TAFA1: variants seen among roughly 807,000 people sequenced by gnomAD.
TAFA1 encodes chemokine-like protein TAFA-1.
TAFA1 carries 4 observed loss-of-function variants against 18.5 expected under a neutral mutation model. That is an observed-to-expected ratio of 0.22 (90% CI 0.11 to 0.49). The LOEUF (loss-of-function observed/expected upper bound fraction) is 0.49. Ranked by LOEUF, TAFA1 falls within the 20% of genes least tolerant of loss-of-function variation. TAFA1 has a pLI of 0.98. For missense variants in TAFA1, 147 were observed against 169.0 expected (o/e 0.87, Z 0.72); for synonymous variants, 56 against 55.2 (o/e 1.01, Z -0.06).
chr3:68,355,951 T>A (rs2069354569), intron 2 of TAFA1, among the ~76,000 whole-genome samples: 1 of 151,916 alleles, frequency 6.6e-6, no homozygotes, highest in Non-Finnish European at 1.5e-5. Context: ...AATAATTAAG[T>A]TCAAATCCTA....
At chr3:68,120,289 G>C (rs549767869) in intron 2 of TAFA1, among the ~76,000 whole-genome samples, 1 of 139,704 alleles carries the variant, frequency 7.2e-6, no homozygotes, top group South Asian at 2.3e-4. Flanking sequence ...TCATTCTGTT[G>C]CCCAGGCTGG....
intron 3 of TAFA1, among the ~76,000 whole-genome samples, chr3:68,529,835 C>G (rs1185753427): frequency 2.0e-5 from 3 of 152,172 alleles, no homozygotes; most frequent in African/African-American, 7.2e-5. Flanking sequence ...CCCGATAACT[C>G]AAATGCCTCC....
intron 2 of TAFA1, among the ~76,000 whole-genome samples, chr3:68,413,313 C>A (rs2070752388): frequency 6.6e-6 from 1 of 151,940 alleles, no homozygotes; most frequent in Admixed American, 6.6e-5. Context: ...AATTTTTCTC[C>A]CATTCTGTAG....
At chr3:68,148,986 A>G (rs975900707) in intron 2 of TAFA1, among the ~76,000 whole-genome samples, 17 of 152,298 alleles carry the variant, frequency 1.1e-4, no homozygotes, top group African/African-American at 3.8e-4. Context: ...ATATTATTTT[A>G]TTCTGCCTAT....
intron 2 of TAFA1, among the ~76,000 whole-genome samples, chr3:68,359,547 A>T (rs1307000370): frequency 1.3e-5 from 2 of 152,010 alleles, no homozygotes; most frequent in Non-Finnish European, 2.9e-5. Context: ...AAGGGAGGCC[A>T]TTCACCATGG....
intron 2 of TAFA1, among the ~76,000 whole-genome samples, chr3:68,356,736 A>G (rs910916923): frequency 5.9e-5 from 9 of 151,984 alleles, no homozygotes; most frequent in Non-Finnish European, 1.0e-4. Context: ...GATGATTGCT[A>G]CTTATAAAAA....
chr3:68,421,985 C>A (rs2070962545), intron 3 of TAFA1, among the ~76,000 whole-genome samples: 1 of 152,052 alleles, frequency 6.6e-6, no homozygotes, highest in Non-Finnish European at 1.5e-5. Flanking sequence ...TTGAAAATTT[C>A]AGAGATACAT....
intron 2 of TAFA1, among the ~76,000 whole-genome samples, chr3:68,036,594 C>G (rs1705054744): frequency 6.6e-6 from 1 of 151,890 alleles, no homozygotes; most frequent in African/African-American, 2.4e-5. Flanking sequence ...TTGAGGAAAA[C>G]TCTCTCTGAG....
intron 3 of TAFA1, among the ~76,000 whole-genome samples, chr3:68,491,253 A>G (rs1325726614): frequency 6.6e-6 from 1 of 152,048 alleles, no homozygotes; most frequent in African/African-American, 2.4e-5. Context: ...TGTTTATTGC[A>G]GCACTATTCA....
chr3:68,224,839 G>A (rs138849051), intron 2 of TAFA1, among the ~76,000 whole-genome samples: 2 of 151,418 alleles, frequency 1.3e-5, no homozygotes, highest in East Asian at 3.9e-4. Flanking sequence ...CAGGAGGTGT[G>A]GGCCTGTGAT....
chr3:68,300,738 G>T (rs140255842), intron 2 of TAFA1, among the ~76,000 whole-genome samples: 1 of 151,862 alleles, frequency 6.6e-6, no homozygotes, highest in East Asian at 1.9e-4. Flanking sequence ...TGAATCATGG[G>T]TGCAGTTTCC....
chr3:68,014,401 G>A (rs1352484524), intron 2 of TAFA1, among the ~76,000 whole-genome samples: 1 of 152,190 alleles, frequency 6.6e-6, no homozygotes, highest in Non-Finnish European at 1.5e-5. Flanking sequence ...TCAAAAAGTG[G>A]TAGAAAAACA....
At chr3:68,025,412 A>G (rs974473651) in intron 2 of TAFA1, among the ~76,000 whole-genome samples, 6 of 152,106 alleles carry the variant, frequency 3.9e-5, no homozygotes, top group African/African-American at 1.2e-4. Context: ...GCCACAGTCT[A>G]TATTCTACAA....
At chr3:68,486,214 C>T (rs1039535848) in intron 3 of TAFA1, among the ~76,000 whole-genome samples, 14 of 151,740 alleles carry the variant, frequency 9.2e-5, no homozygotes, top group Admixed American at 7.9e-4. Context: ...CCATCCTCAG[C>T]CTCCCAAAGT....
intron 2 of TAFA1, among the ~76,000 whole-genome samples, chr3:68,103,201 T>C (rs1198441688): frequency 6.6e-6 from 1 of 152,170 alleles, no homozygotes; most frequent in African/African-American, 2.4e-5. Context: ...TTTGTACTCT[T>C]GCTTCAGGCC....
chr3:68,369,461 G>A (rs1012924183), intron 2 of TAFA1, among the ~76,000 whole-genome samples: 1 of 152,210 alleles, frequency 6.6e-6, no homozygotes, highest in Admixed American at 6.5e-5. Flanking sequence ...ATAAGGATAT[G>A]TGTATTTAAA....
intron 2 of TAFA1, chr3:68,145,367 T>A (rs1055019338): frequency 3.7e-6 from 3 of 820,494 alleles, no homozygotes; most frequent in Non-Finnish European, 6.6e-6. Flanking sequence ...TGCCCTGGTC[T>A]CTCAAGCATA....
chr3:68,498,741 TTTTTTTTTTTTTTTTTGA>T (rs1335238878), intron 3 of TAFA1, among the ~76,000 whole-genome samples: 1 of 116,834 alleles, frequency 8.6e-6, no homozygotes, highest in East Asian at 2.1e-4. Flanking sequence ...TTTTTTTTTT[TTTTTTTTTTTTTTTTTGA>T]GAGAGAGAGA....
At chr3:68,464,413 A>G (rs2071843837) in intron 3 of TAFA1, among the ~76,000 whole-genome samples, 1 of 152,204 alleles carries the variant, frequency 6.6e-6, no homozygotes, top group African/African-American at 2.4e-5. Flanking sequence ...CTCTCAGAGA[A>G]GATACTTGGA....
Sources: gnomAD v4.1 joint callset for allele counts (sites outside exome capture counted in the v4.1 genomes callset) on GRCh38, gnomAD v4.1.1 for gene constraint, MANE v1.5 for transcripts, NCBI Gene and HGNC (gene_info 2026-07-23, HGNC 2026-07-21) for gene names.